The following MKS1 variants were observed in gnomAD, a reference collection of about 807,000 sequenced individuals.
MKS1 encodes the protein tectonic-like complex member MKS1.
In MKS1, 70 loss-of-function variants were observed where a neutral mutation model predicts 83.7. The observed-to-expected ratio is 0.84, with a 90% CI of 0.69 to 1.02. The LOEUF (loss-of-function observed/expected upper bound fraction) is 1.02. MKS1 is among the 50% of genes least tolerant of loss of function. The probability of loss-of-function intolerance (pLI) is 0.00; values close to 1 mark genes in which losing one functional copy is unlikely to be tolerated. For synonymous variants in MKS1, 251 were observed against 273.4 expected (o/e 0.92, Z 0.81); for missense variants, 681 against 726.9 (o/e 0.94, Z 0.73).
At chr17:58,214,139 G>A (rs927962416) in intron 6 of MKS1, 120 bp downstream of exon 6, 78 of 1,461,178 alleles carry the variant, frequency 5.3e-5, no homozygotes, top group Non-Finnish European at 7.1e-5. Flanking sequence ...TAACTAAGAA[G>A]AGAAGGAAGA....
intron 4 of MKS1, among the ~76,000 whole-genome samples, chr17:58,215,372 G>A (rs913361676): frequency 7.9e-5 from 12 of 152,064 alleles, no homozygotes; most frequent in African/African-American, 1.5e-4. Flanking sequence ...TGATCCTCCC[G>A]CCTCAGCTTC....
At chr17:58,218,755 G>T (rs757637144) in intron 1 of MKS1, 26 bp from the exon 2 acceptor site, 2 of 1,560,148 alleles carry the variant, frequency 1.3e-6, no homozygotes, top group Non-Finnish European at 1.8e-6. Flanking sequence ...CAAAATATTC[G>T]TTACCAGACA....
At chr17:58,215,078 C>G (rs1969114507) in intron 4 of MKS1, among the ~76,000 whole-genome samples, 2 of 152,226 alleles carry the variant, frequency 1.3e-5, no homozygotes, top group African/African-American at 4.8e-5. Context: ...ATATTAAAAT[C>G]AGTCTGCATT....
At position 58,215,851 on chromosome 17, in the gene MKS1, A is replaced by G. The variant is rs1969162633; in HGVS notation, c.417+237T>C. 11 of 532,320 alleles carry G rather than the reference A, an allele frequency of 2.1e-5. No homozygotes were observed. The South Asian group carries it at 2.2e-4, about 10-fold the overall frequency. The allele number at this position is 532,320 out of a possible 1,614,324, so 33.0% of individuals were successfully genotyped here. A position where few individuals can be genotyped will look rare whatever the true frequency, so the allele number is the denominator to read the frequency against. On this transcript the variant is annotated intron_variant, in intron 4 of 17. Coordinates refer to ENST00000393119, the MANE Select transcript of MKS1 (RefSeq NM_017777.4). The stretch of plus-strand genomic sequence containing the variant: ...GCACTCTGCAAGCATATAATCAGAG[A>G]TACTGGCAGCTCCCCCAGGCCCTCT...
rs1182924920 is a variant in MKS1 at position 58,213,061 on chromosome 17, A to G, written c.779T>C (p.Leu260Pro). The G allele has an allele frequency of 6.2e-7, 1 of 1,614,036 alleles. No individual in the cohort carries two copies. The highest frequency in any genetic ancestry group is 8.5e-7 in the Non-Finnish European group (1 of 1,180,038). Residue 260 changes from leucine to proline, a missense_variant, in exon 8 of 18, where the codon CTG becomes CCG. By Grantham distance (98) the Leu-to-Pro change is moderately conservative. Transcript: ENST00000393119. Reference protein sequence around the residue: ...RIETEGEKQELWKYTIDNVSP... With the variant: ...RIETEGEKQEPWKYTIDNVSP... ...AACATTGTCGATCGTATATTTCCAC[A>G]GCTCCTGCTTCTCCCCCTCCGTCTC... is the stretch of plus-strand genomic sequence containing the variant.
chr17:58,205,938 G>A lies in MKS1; in HGVS notation c.*141C>T. Reference sequence around the variant, plus strand: ...ACCCTGCAGAAGGCTAGGCAGAGGGGCCAGCCGGGAATTTCCCAGCTTTTC... The same window carrying A: ...ACCCTGCAGAAGGCTAGGCAGAGGGACCAGCCGGGAATTTCCCAGCTTTTC... On this transcript the variant is annotated 3_prime_UTR_variant, in exon 18 of 18. Transcript: ENST00000393119. 2 of 1,512,466 alleles carry A rather than the reference G, an allele frequency of 1.3e-6. No homozygotes were observed. The highest frequency in any genetic ancestry group is 1.8e-6 in the Non-Finnish European group (2 of 1,132,964). 93.7% of individuals were successfully genotyped at this position (1,512,466 alleles called of 1,614,324 possible).
In MKS1 at chr17:58,218,732, G is replaced by C; in HGVS notation, c.81-3C>G. ...ATGTGATTCTTTGCAGGTGGACTCT[G>C]TCAAGAAAAGCCCAAAATATTCGTT... On this transcript the variant is annotated splice_region_variant and splice_polypyrimidine_tract_variant and intron_variant, in intron 1 of 17. Transcript: ENST00000393119. The C allele has an allele frequency of 6.2e-7, 1 of 1,610,588 alleles. No homozygotes were observed. Among genetic ancestry groups the C allele is most frequent in the Non-Finnish European group, 8.5e-7 (1 of 1,176,884 alleles).
intron 2 of MKS1, among the ~76,000 whole-genome samples, chr17:58,217,740 G>A (rs940241739): frequency 6.6e-6 from 1 of 152,156 alleles, no homozygotes; most frequent in African/African-American, 2.4e-5. Flanking sequence ...GGGAGACCAA[G>A]GTTTACAGTG....
Position 58,205,465 on chromosome 17 carries a change from C to CA in MKS1, c.*613dup, listed in dbSNP as rs1315736064. The CA allele has an allele frequency of 1.6e-6, 2 of 1,244,134 alleles. No homozygotes were observed. Among genetic ancestry groups the CA allele is most frequent in the South Asian group, 1.4e-5 (1 of 69,668 alleles). The allele number at this position is 1,244,134 out of a possible 1,614,324, so 77.1% of individuals were successfully genotyped here. On this transcript the variant is annotated 3_prime_UTR_variant, in exon 18 of 18. Transcript: ENST00000393119. ...GTCAAAATAAAAGGGGTTTATGTAA[C>CA]AAAAAACAAAAAAACAAACAAACAA...
At chr17:58,212,299 G>A (rs1968920612) in intron 9 of MKS1, 79 bp downstream of exon 9, 4 of 1,514,418 alleles carry the variant, frequency 2.6e-6, no homozygotes, top group Non-Finnish European at 3.7e-6. Context: ...GCCTTTAAGA[G>A]AGGTAGTGTA....
At chr17:58,213,165 G>T in intron 7 of MKS1, 75 bp from the exon 8 acceptor site, 3 of 1,424,226 alleles carry the variant, frequency 2.1e-6, no homozygotes, top group Non-Finnish European at 3.0e-6. Context: ...CCAGCCCAGG[G>T]ATGAGCGATC....
chr17:58,214,736 C>T lies in MKS1; in HGVS notation c.515+5G>A. 6.2e-7 allele frequency: 1 copy of T among 1,604,890 alleles called. No individual in the cohort carries two copies. The highest frequency in any genetic ancestry group is 8.5e-7 in the Non-Finnish European group (1 of 1,179,506). On this transcript the variant is annotated splice_donor_5th_base_variant and intron_variant, in intron 5 of 17. Transcript: ENST00000393119. ...GCTTGTCCCCCATCCCATGCCCGCACTCACATCCCTCGCCTGTCCTGCCGG... is the reference window on the plus strand; with the variant it reads ...GCTTGTCCCCCATCCCATGCCCGCATTCACATCCCTCGCCTGTCCTGCCGG...
chr17:58,212,945 C>T (rs776022184), intron 8 of MKS1, 37 bp downstream of exon 8: 2 of 1,592,346 alleles, frequency 1.3e-6, no homozygotes, highest in East Asian at 4.5e-5. Context: ...GGCACTGAGG[C>T]TCATCCCTTG....
At chr17:58,206,750 C>A (rs1968538283) in intron 15 of MKS1, 3 of 678,702 alleles carry the variant, frequency 4.4e-6, no homozygotes, top group South Asian at 1.8e-5. Context: ...AACATTCCAA[C>A]CTCATTTGAG....
intron 4 of MKS1, among the ~76,000 whole-genome samples, chr17:58,215,413 C>T (rs1969133385): frequency 6.6e-6 from 1 of 152,144 alleles, no homozygotes; most frequent in South Asian, 2.1e-4. Flanking sequence ...GTACATGCCA[C>T]CATGCCCAGC....
chr17:58,215,210 T>G (rs1969120988), intron 4 of MKS1, among the ~76,000 whole-genome samples: 1 of 152,192 alleles, frequency 6.6e-6, no homozygotes. Context: ...ACATGGTAAC[T>G]GAGCACTAAC....
chr17:58,214,623 A>T, intron 5 of MKS1, 118 bp downstream of exon 5: 1 of 1,104,026 alleles, frequency 9.1e-7, no homozygotes, highest in Non-Finnish European at 1.2e-6. Flanking sequence ...TTTATTTTTT[A>T]AATTAATTAC....
At chr17:58,214,969 A>G (rs1462062057) in intron 4 of MKS1, 131 bp from the exon 5 acceptor site, 6 of 1,427,208 alleles carry the variant, frequency 4.2e-6, no homozygotes, top group South Asian at 1.2e-5. Flanking sequence ...CCTCACAATT[A>G]TACATGCTAA....
intron 15 of MKS1, 167 bp downstream of exon 15, chr17:58,206,918 G>T: frequency 1.1e-6 from 1 of 933,984 alleles, no homozygotes; most frequent in Non-Finnish European, 1.7e-6. Flanking sequence ...TGTAGATATT[G>T]GAACCTGATT....
Sources: allele counts gnomAD v4.1 joint callset (sites outside exome capture counted in the v4.1 genomes callset), GRCh38; gene constraint gnomAD v4.1.1; transcripts MANE v1.5; gene names NCBI Gene and HGNC (gene_info 2026-07-23, HGNC 2026-07-21).